The following NRG1 variants were observed in gnomAD, a reference collection of about 807,000 sequenced individuals.
NRG1 encodes pro-neuregulin-1, membrane-bound isoform.
Under a neutral mutation model 63.8 loss-of-function variants are expected in NRG1, and 18 were observed. That is an observed-to-expected ratio of 0.28 (90% CI 0.19 to 0.42). NRG1 has a LOEUF of 0.42. Among genes scored for constraint, NRG1 ranks in the 10% least tolerant of loss-of-function variants. The probability of loss-of-function intolerance (pLI) is 1.00; values close to 1 mark genes in which losing one functional copy is unlikely to be tolerated. For synonymous variants in NRG1, 302 were observed against 301.3 expected (o/e 1.00, Z -0.02); for missense variants, 762 against 814.7 (o/e 0.94, Z 0.79).
intron 2 of NRG1, 109 bp from the exon 3 acceptor site, chr8:32,605,453 A>G: frequency 8.2e-7 from 1 of 1,216,698 alleles, no homozygotes; most frequent in South Asian, 1.3e-5. Context: ...ACATATGTAT[A>G]AGGTGGGGAG....
chr8:32,606,158 TTATG>T (rs1474973132), intron 3 of NRG1, among the ~76,000 whole-genome samples: 2 of 148,618 alleles, frequency 1.3e-5, no homozygotes, highest in African/African-American at 4.9e-5. Flanking sequence ...TATATATGTA[TTATG>T]TATGTATTAT....
intron 1 of NRG1, among the ~76,000 whole-genome samples, chr8:31,895,368 G>A (rs1333031802): frequency 6.6e-6 from 1 of 152,240 alleles, no homozygotes; most frequent in Non-Finnish European, 1.5e-5. Flanking sequence ...TTTGGCTTGA[G>A]TACCTGGCTT....
At chr8:32,010,506 G>A (rs1586453100) in intron 1 of NRG1, among the ~76,000 whole-genome samples, 1 of 152,068 alleles carries the variant, frequency 6.6e-6, no homozygotes, top group South Asian at 2.1e-4. Context: ...CAGGCAAGTG[G>A]AACACATACT....
chr8:32,734,731 G>C (rs1824566963), intron 6 of NRG1, among the ~76,000 whole-genome samples: 1 of 152,114 alleles, frequency 6.6e-6, no homozygotes, highest in Non-Finnish European at 1.5e-5. Flanking sequence ...ACTGAAGTAG[G>C]GTTGAAGAAA....
At chr8:32,588,386 G>A (rs568421990) in intron 1 of NRG1, among the ~76,000 whole-genome samples, 4 of 152,212 alleles carry the variant, frequency 2.6e-5, no homozygotes, top group Admixed American at 1.3e-4. Flanking sequence ...TTCAGTCATC[G>A]TGTAGCAGTT....
intron 5 of NRG1, among the ~76,000 whole-genome samples, chr8:32,617,835 C>T (rs1847652231): frequency 6.6e-6 from 1 of 152,120 alleles, no homozygotes. Context: ...GTTGTTTTGT[C>T]AATCTGTTTA....
At chr8:31,996,829 G>A (rs1442517391) in intron 1 of NRG1, among the ~76,000 whole-genome samples, 1 of 151,812 alleles carries the variant, frequency 6.6e-6, no homozygotes, top group Non-Finnish European at 1.5e-5. Context: ...GTTGAGTAAG[G>A]TATTACTATT....
intron 1 of NRG1, among the ~76,000 whole-genome samples, chr8:32,177,782 A>T (rs1840962502): frequency 6.6e-6 from 1 of 152,190 alleles, no homozygotes; most frequent in Non-Finnish European, 1.5e-5. Context: ...CATGTTCTAT[A>T]GGTGGGCTGA....
At chr8:32,575,156 T>G (rs1839377650) in intron 1 of NRG1, among the ~76,000 whole-genome samples, 1 of 152,200 alleles carries the variant, frequency 6.6e-6, no homozygotes, top group Non-Finnish European at 1.5e-5. Flanking sequence ...CAATTGACCT[T>G]TGTCTTAGTG....
At chr8:32,297,957 A>T (rs958790319) in intron 1 of NRG1, among the ~76,000 whole-genome samples, 1 of 152,246 alleles carries the variant, frequency 6.6e-6, no homozygotes, top group South Asian at 2.1e-4. Context: ...TACTACTAGA[A>T]GCGAACTAAT....
At chr8:31,684,223 AT>A (rs1287371753) in intron 1 of NRG1, among the ~76,000 whole-genome samples, 6 of 152,178 alleles carry the variant, frequency 3.9e-5, no homozygotes, top group Non-Finnish European at 7.4e-5. Context: ...TACAAAATTC[AT>A]GTTGAAGCTT....
At chr8:32,090,394 C>T (rs1323064797) in intron 1 of NRG1, among the ~76,000 whole-genome samples, 2 of 152,086 alleles carry the variant, frequency 1.3e-5, no homozygotes, top group East Asian at 1.9e-4. Flanking sequence ...GACGTTGGCC[C>T]CCTGCAGCCT....
chr8:32,342,910 A>G (rs546815475), intron 1 of NRG1, among the ~76,000 whole-genome samples: 1 of 152,360 alleles, frequency 6.6e-6, no homozygotes, highest in South Asian at 2.1e-4. Context: ...TGTCACCTAT[A>G]CAACACAGAT....
intron 5 of NRG1, among the ~76,000 whole-genome samples, chr8:32,671,657 A>G (rs1244707716): frequency 2.6e-5 from 4 of 152,134 alleles, no homozygotes; most frequent in Admixed American, 2.6e-4. Context: ...TGAATTTTTA[A>G]ATATAAGGAA....
chr8:32,258,968 T>C (rs1424953642), intron 1 of NRG1, among the ~76,000 whole-genome samples: 3 of 152,156 alleles, frequency 2.0e-5, no homozygotes, highest in Non-Finnish European at 4.4e-5. Context: ...CAATTGCCAG[T>C]GCAAAAGGAA....
chr8:31,771,490 T>A (rs1408499845), intron 1 of NRG1, among the ~76,000 whole-genome samples: 2 of 152,212 alleles, frequency 1.3e-5, no homozygotes, highest in African/African-American at 2.4e-5. Context: ...ATTTAAGACT[T>A]AACTCCATGT....
intron 1 of NRG1, among the ~76,000 whole-genome samples, chr8:32,509,157 C>A (rs1185000506): frequency 6.6e-6 from 1 of 151,520 alleles, no homozygotes; most frequent in Non-Finnish European, 1.5e-5. Context: ...GGCTGGAGTA[C>A]AGTGGTGCAA....
At chr8:32,425,481 C>T (rs7015287) in intron 1 of NRG1, among the ~76,000 whole-genome samples, 2,169 of 152,224 alleles carry the variant, frequency 0.014, 53 homozygotes, top group African/African-American at 0.049. Flanking sequence ...AACTGCAGCC[C>T]ACAAGCCAAA....
intron 1 of NRG1, among the ~76,000 whole-genome samples, chr8:31,806,976 A>C (rs1266348326): frequency 2.0e-5 from 3 of 152,258 alleles, no homozygotes. Flanking sequence ...TTCTGTCTAC[A>C]GAATATGTGG....
Sources: allele counts gnomAD v4.1 joint callset (sites outside exome capture counted in the v4.1 genomes callset), GRCh38; gene constraint gnomAD v4.1.1; transcripts MANE v1.5; gene names NCBI Gene and HGNC (gene_info 2026-07-23, HGNC 2026-07-21).